The following LIN7A variants were observed in gnomAD, a reference collection of about 807,000 sequenced individuals.
LIN7A encodes protein lin-7 homolog A.
Under a neutral mutation model 29.8 loss-of-function variants are expected in LIN7A, and 25 were observed. That is an observed-to-expected ratio of 0.84 (90% confidence interval 0.61 to 1.17). The LOEUF (loss-of-function observed/expected upper bound fraction) is 1.17. Among genes scored for constraint, LIN7A ranks in the 50% most tolerant of loss-of-function variants. The pLI is 0.00. For synonymous variants in LIN7A, 118 were observed against 107.5 expected (o/e 1.10, Z -0.60); for missense variants, 239 against 287.0 (o/e 0.83, Z 1.21).
chr12:80,918,161 C>T (rs1877117643), intron 1 of LIN7A, among the ~76,000 whole-genome samples: 1 of 152,244 alleles, frequency 6.6e-6, no homozygotes, highest in Admixed American at 6.5e-5. Flanking sequence ...GATCCTCCCA[C>T]CTCAGCCTCC....
At chr12:80,807,063 G>GTTTTTTTTTTGTTTTTTTTTTTTTTTT (rs1871029199) in intron 5 of LIN7A, among the ~76,000 whole-genome samples, 4 of 53,592 alleles carry the variant, frequency 7.5e-5, no homozygotes, top group Non-Finnish European at 1.0e-4. Flanking sequence ...TGAAGATGGA[G>GTTTTTTTTTTGTTTTTTTTTTTTTTTT]TTTTTTTTTT....
intron 2 of LIN7A, among the ~76,000 whole-genome samples, chr12:80,888,663 TAA>T (rs1875462337): frequency 6.6e-6 from 1 of 151,282 alleles, no homozygotes; most frequent in South Asian, 2.1e-4. Flanking sequence ...TGTAACCAAT[TAA>T]ATTCATTAGT....
intron 2 of LIN7A, among the ~76,000 whole-genome samples, chr12:80,849,427 ACT>A (rs1047311715): frequency 1.3e-5 from 2 of 151,808 alleles, no homozygotes; most frequent in African/African-American, 4.8e-5. Flanking sequence ...CTTGTAATAA[ACT>A]CTCTCAAATC....
intron 2 of LIN7A, among the ~76,000 whole-genome samples, chr12:80,871,123 G>C (rs1265516985): frequency 6.6e-6 from 1 of 152,094 alleles, no homozygotes; most frequent in Non-Finnish European, 1.5e-5. Flanking sequence ...AAATAGTGCG[G>C]GAAATATACC....
intron 2 of LIN7A, chr12:80,861,525 G>A (rs1230949631): frequency 6.6e-6 from 1 of 152,356 alleles, no homozygotes; most frequent in Non-Finnish European, 1.5e-5. Context: ...ACGGAGGTCT[G>A]GACTAAAGTG....
intron 5 of LIN7A, among the ~76,000 whole-genome samples, chr12:80,798,128 G>T (rs1009576009): frequency 6.6e-6 from 1 of 152,122 alleles, no homozygotes; most frequent in Non-Finnish European, 1.5e-5. Flanking sequence ...TCTCTGCTAG[G>T]CTGGGAGCAC....
At chr12:80,816,139 G>T (rs1871519305) in intron 4 of LIN7A, among the ~76,000 whole-genome samples, 1 of 152,166 alleles carries the variant, frequency 6.6e-6, no homozygotes, top group African/African-American at 2.4e-5. Context: ...AGTGGCTCTT[G>T]CCTGTAATCC....
At chr12:80,839,569 C>G (rs921109123) in intron 4 of LIN7A, among the ~76,000 whole-genome samples, 27 of 152,190 alleles carry the variant, frequency 1.8e-4, no homozygotes, top group Non-Finnish European at 2.1e-4. Flanking sequence ...TTAAATCTTG[C>G]AGTGTAGTTC....
chr12:80,874,758 C>T (rs1283747916), intron 2 of LIN7A, among the ~76,000 whole-genome samples: 5 of 152,058 alleles, frequency 3.3e-5, no homozygotes, highest in Non-Finnish European at 5.9e-5. Context: ...CTGAGGCAGG[C>T]GGATCATGAG....
intron 5 of LIN7A, among the ~76,000 whole-genome samples, chr12:80,808,507 C>CT (rs200750392): frequency 0.025 from 3,380 of 137,358 alleles, 68 homozygotes; most frequent in Admixed American, 0.065. Flanking sequence ...TTTCTTTTTT[C>CT]TTTTTTTTTT....
intron 4 of LIN7A, among the ~76,000 whole-genome samples, chr12:80,839,501 G>A (rs1004959739): frequency 6.6e-6 from 1 of 152,156 alleles, no homozygotes; most frequent in African/African-American, 2.4e-5. Flanking sequence ...TAAGAATTGG[G>A]ATAAGGCAAT....
intron 3 of LIN7A, among the ~76,000 whole-genome samples, chr12:80,847,932 G>C (rs1485494698): frequency 6.6e-6 from 1 of 152,104 alleles, no homozygotes; most frequent in Non-Finnish European, 1.5e-5. Flanking sequence ...TATGATACAG[G>C]TTCTTTCAGA....
intron 1 of LIN7A, among the ~76,000 whole-genome samples, chr12:80,923,848 T>A (rs1877441431): frequency 1.3e-5 from 2 of 152,250 alleles, no homozygotes; most frequent in African/African-American, 4.8e-5. Flanking sequence ...GTTTAGCCTC[T>A]TTATGCCTCA....
chr12:80,865,468 T>G (rs1400234349), intron 2 of LIN7A, among the ~76,000 whole-genome samples: 1 of 152,140 alleles, frequency 6.6e-6, no homozygotes, highest in Non-Finnish European at 1.5e-5. Flanking sequence ...AACTGAGCAA[T>G]GGAGAAGAGG....
At chr12:80,901,472 G>A (rs1318165325) in intron 1 of LIN7A, among the ~76,000 whole-genome samples, 1 of 152,028 alleles carries the variant, frequency 6.6e-6, no homozygotes, top group Non-Finnish European at 1.5e-5. Context: ...CCCTAACTTA[G>A]TACATAAAAA....
chr12:80,878,284 A>C (rs1874824072), intron 2 of LIN7A, among the ~76,000 whole-genome samples: 1 of 152,232 alleles, frequency 6.6e-6, no homozygotes, highest in Non-Finnish European at 1.5e-5. Context: ...ATCATTAAAA[A>C]TGTGTCTTTA....
At chr12:80,927,470 T>C (rs994713200) in intron 1 of LIN7A, among the ~76,000 whole-genome samples, 8 of 152,164 alleles carry the variant, frequency 5.3e-5, no homozygotes, top group African/African-American at 1.9e-4. Flanking sequence ...TTTTCTAAGG[T>C]TGAACTATCC....
chr12:80,879,081 T>C (rs958635979), intron 2 of LIN7A, among the ~76,000 whole-genome samples: 2 of 152,228 alleles, frequency 1.3e-5, no homozygotes, highest in South Asian at 2.1e-4. Flanking sequence ...CAGTTACATA[T>C]TCCAAGTATC....
chr12:80,818,983 A>T (rs1256576686), intron 4 of LIN7A, among the ~76,000 whole-genome samples: 1 of 152,248 alleles, frequency 6.6e-6, no homozygotes, highest in Non-Finnish European at 1.5e-5. Flanking sequence ...ATTAAGAAAG[A>T]AATATCTTTT....
Sources: allele counts gnomAD v4.1 joint callset (sites outside exome capture counted in the v4.1 genomes callset), GRCh38; gene constraint gnomAD v4.1.1; transcripts MANE v1.5; gene names NCBI Gene and HGNC (gene_info 2026-07-23, HGNC 2026-07-21).